Variants in MON1A observed in about 807,000 individuals in gnomAD.
MON1A encodes MON1 vesicular trafficking associated A.
A neutral mutation model predicts 44.6 loss-of-function variants in MON1A; 29 were observed. The ratio of observed to expected loss-of-function variants is 0.65; its 90% CI spans 0.48 to 0.89. MON1A has a LOEUF of 0.89. Among genes scored for constraint, MON1A ranks in the 40% least tolerant of loss-of-function variants. MON1A has a pLI of 0.00. For missense variants in MON1A, 615 were observed against 759.6 expected (o/e 0.81, Z 2.24); for synonymous variants, 275 against 316.4 (o/e 0.87, Z 1.39).
Position 49,910,502 on chromosome 3 carries a change from G to C in MON1A, c.996C>G (p.Leu332=), listed in dbSNP as rs2082863510. 6.2e-7 allele frequency: 1 copy of C among 1,614,002 alleles called. No homozygotes were observed. Among genetic ancestry groups the C allele is most frequent in the Non-Finnish European group, 8.5e-7 (1 of 1,179,932 alleles). Residue 332 remains leucine, a synonymous_variant, in exon 4 of 6, where the codon CTC becomes CTG. Coordinates refer to ENST00000296473, the MANE Select transcript of MON1A (RefSeq NM_032355.4). The surrounding 1 kb of genome is among the most constrained non-coding windows in gnomAD (Gnocchi z 8.0). The part of the protein sequence containing the change: ...ILLARNQLVA[L]VRRKDQFLHP... ...GCAGAAATTGGTCCTTTCGGCGCAC[G>C]AGTGCCACGAGCTGGTTGCGGGCCA...
intron 1 of MON1A, among the ~76,000 whole-genome samples, chr3:49,914,531 G>A (rs1230115134): frequency 5.4e-5 from 8 of 147,998 alleles, no homozygotes; most frequent in Non-Finnish European, 8.9e-5. Flanking sequence ...ATGCCACTGC[G>A]CCTGCCTAAT....
chr3:49,908,904 C>T lies in MON1A; in HGVS notation c.*110G>A. On this transcript the variant is annotated 3_prime_UTR_variant, in exon 6 of 6. Coordinates refer to ENST00000296473, the MANE Select transcript of MON1A (RefSeq NM_032355.4). ...AAAGCACTTTAATGCATTCACCAAC[C>T]CACAGTCCCTGCCCGCTGGCTGGGC... The T allele has an allele frequency of 1.5e-6, 2 of 1,340,862 alleles. No homozygotes were observed. Among genetic ancestry groups the T allele is most frequent in the East Asian group, 2.4e-5 (1 of 41,834 alleles). 83.1% of individuals were successfully genotyped at this position (1,340,862 alleles called of 1,614,324 possible). A position where few individuals can be genotyped will look rare whatever the true frequency, so the allele number is the denominator to read the frequency against.
At chr3:49,919,607 G>A (rs1040295487) in intron 1 of MON1A, among the ~76,000 whole-genome samples, 2 of 152,124 alleles carry the variant, frequency 1.3e-5, no homozygotes, top group African/African-American at 4.8e-5. Context: ...AGCCTCCCGA[G>A]CAGCTGGGAT....
chr3:49,923,267 G>A (rs770294231), intron 1 of MON1A, among the ~76,000 whole-genome samples: 116 of 146,592 alleles, frequency 7.9e-4, no homozygotes, highest in Non-Finnish European at 1.4e-3. Flanking sequence ...CCTTGAACCC[G>A]GGAGGTGGAG....
chr3:49,927,902 A>G (rs1264650992), intron 1 of MON1A, among the ~76,000 whole-genome samples: 1 of 150,514 alleles, frequency 6.6e-6, no homozygotes, highest in East Asian at 1.9e-4. Flanking sequence ...CTCTGTCTCA[A>G]AAAAAAAAAC....
intron 1 of MON1A, among the ~76,000 whole-genome samples, chr3:49,917,328 C>G (rs938362208): frequency 1.8e-4 from 28 of 152,006 alleles, no homozygotes; most frequent in African/African-American, 6.8e-4. Context: ...CTCTGTCGCC[C>G]AGGCTGGAGT....
rs772635097 is a variant in MON1A, at chr3:49,911,159, G to C, written c.614-275C>G. On this transcript the variant is annotated intron_variant, in intron 3 of 5. Transcript: ENST00000296473. This position sits in a 1 kb window ranked among gnomAD's most constrained non-coding sequence, Gnocchi z 5.7. ...ACTGGCAACTGGCAAGGGCTGGCTG[G>C]GTGGAGCTCAGGACCTGGGAGATAG... Among the ~76,000 whole-genome samples the C allele has an allele frequency of 8.0e-5, 10 of 125,156 alleles. No homozygotes were observed. Among genetic ancestry groups the C allele is most frequent in the Non-Finnish European group, 1.8e-4 (10 of 56,624 alleles). 82.1% of individuals were successfully genotyped at this position (125,156 alleles called of 152,430 possible).
intron 2 of MON1A, 114 bp downstream of exon 2, chr3:49,913,106 T>C: frequency 7.1e-7 from 1 of 1,411,322 alleles, no homozygotes; most frequent in Non-Finnish European, 1.0e-6. Context: ...AAATATCCAA[T>C]GAGTGACTGA....
intron 1 of MON1A, among the ~76,000 whole-genome samples, chr3:49,927,966 G>A (rs758340616): frequency 1.1e-4 from 16 of 151,350 alleles, no homozygotes; most frequent in Admixed American, 2.6e-4. Context: ...GCTCTGTGAC[G>A]TTGCACTTTT....
chr3:49,914,121 G>A (rs1250477759), intron 1 of MON1A, among the ~76,000 whole-genome samples: 15 of 138,988 alleles, frequency 1.1e-4, no homozygotes, highest in African/African-American at 2.7e-4. Context: ...ACGGAGTTTC[G>A]CTGTTGTTAC....
Position 49,909,442 on chromosome 3 carries a change from T to G in MON1A, c.1380-42A>C. ...GGGAGTGGGTTTGCAAAGGAATGAC[T>G]TCCACTGTCTTCTCTAGAGATTTAG... On this transcript the variant is annotated intron_variant, in intron 4 of 5. Transcript: ENST00000296473. The surrounding 1 kb of genome is among the most constrained non-coding windows in gnomAD (Gnocchi z 4.0). The G allele has an allele frequency of 6.2e-7, 1 of 1,610,098 alleles. No homozygotes were observed. The highest frequency in any genetic ancestry group is 8.5e-7 in the Non-Finnish European group (1 of 1,178,046).
rs758687996 is a variant in MON1A at position 49,909,420 on chromosome 3, A to G, written c.1380-20T>C. On this transcript the variant is annotated intron_variant, in intron 4 of 5. Transcript: ENST00000296473. The surrounding 1 kb of genome is among the most constrained non-coding windows in gnomAD (Gnocchi z 4.0). ...TCAGGGCTGCAGACAGGGTGGAGGG[A>G]GTGGGTTTGCAAAGGAATGACTTCC... 2 of 1,613,106 alleles carry G rather than the reference A, an allele frequency of 1.2e-6. No individual in the cohort carries two copies. The highest frequency in any genetic ancestry group is 1.7e-6 in the Non-Finnish European group (2 of 1,179,648).
rs1298642336 is a variant in MON1A, at chr3:49,912,095, G to T, written c.128-84C>A. The T allele has an allele frequency of 2.7e-6, 4 of 1,461,638 alleles. No individual in the cohort carries two copies. In the African/African-American group the frequency reaches 5.7e-5, roughly 21 times the overall value. 90.5% of individuals were successfully genotyped at this position (1,461,638 alleles called of 1,614,324 possible). A position where few individuals can be genotyped will look rare whatever the true frequency, so the allele number is the denominator to read the frequency against. ...CAAGGTGCCTAACGTGGTCACTCCA[G>T]CATGACTGCCTGTCTTGTTAGGATC... On this transcript the variant is annotated intron_variant, in intron 2 of 5. Coordinates refer to ENST00000296473, the MANE Select transcript of MON1A (RefSeq NM_032355.4).
chr3:49,912,263 A>G (rs1202090477), intron 2 of MON1A: 1 of 441,590 alleles, frequency 2.3e-6, no homozygotes, highest in Non-Finnish European at 4.0e-6. Context: ...CCTACCTCTC[A>G]TTCCCATCTC....
chr3:49,909,745 G>A lies in MON1A; in HGVS notation c.1380-345C>T. 1 of 355,448 alleles carries A rather than the reference G, an allele frequency of 2.8e-6. No individual in the cohort carries two copies. Among genetic ancestry groups the A allele is most frequent in the Non-Finnish European group, 5.1e-6 (1 of 195,626 alleles). 22.0% of individuals were successfully genotyped at this position (355,448 alleles called of 1,614,324 possible). ...ATCCTGTGGGCCAAAAGGGACAAAG[G>A]GAGGCCATATCTTCCCAGCCCCTCT... On this transcript the variant is annotated intron_variant, in intron 4 of 5. Coordinates refer to ENST00000296473, the MANE Select transcript of MON1A (RefSeq NM_032355.4). This position sits in a 1 kb window ranked among gnomAD's most constrained non-coding sequence, Gnocchi z 4.0.
chr3:49,911,430 G>C lies in MON1A; in HGVS notation c.613+96C>G. 4 of 1,489,420 alleles carry C rather than the reference G, an allele frequency of 2.7e-6. No homozygotes were observed. Among genetic ancestry groups the C allele is most frequent in the Non-Finnish European group, 3.6e-6 (4 of 1,117,316 alleles). 92.3% of individuals were successfully genotyped at this position (1,489,420 alleles called of 1,614,324 possible). ...AGAGGGACTTACCCTCAGTCACACA[G>C]CACATCCCAGCCCTCTGGTCTGCAG... On this transcript the variant is annotated intron_variant, in intron 3 of 5. Transcript: ENST00000296473. This position sits in a 1 kb window ranked among gnomAD's most constrained non-coding sequence, Gnocchi z 5.7.
Position 49,910,521 on chromosome 3 carries a change from C to T in MON1A, c.977G>A (p.Arg326His), listed in dbSNP as rs199606970. Residue 326 changes from arginine to histidine, a missense_variant, in exon 4 of 6, where the codon CGC (arginine) becomes CAC (histidine). Transcript: ENST00000296473. This position sits in a 1 kb window ranked among gnomAD's most constrained non-coding sequence, Gnocchi z 8.0. ...GCGCACGAGTGCCACGAGCTGGTTG[C>T]GGGCCAGCAGGATGGAGAAGACCAG... is the stretch of plus-strand genomic sequence containing the variant. ...RSLVFSILLARNQLVALVRRK... is the reference protein window; with the variant it reads ...RSLVFSILLAHNQLVALVRRK... 54 of 1,613,560 alleles carry T rather than the reference C, an allele frequency of 3.3e-5. No individual in the cohort carries two copies. The highest frequency in any genetic ancestry group is 4.2e-5 in the Non-Finnish European group (50 of 1,179,818).
intron 1 of MON1A, among the ~76,000 whole-genome samples, chr3:49,924,958 G>C (rs983466916): frequency 2.0e-5 from 3 of 152,186 alleles, no homozygotes; most frequent in Non-Finnish European, 2.9e-5. Flanking sequence ...AAGAGACCCT[G>C]AGCTTGAGCC....
chr3:49,926,154 C>T (rs1263117654), intron 1 of MON1A, among the ~76,000 whole-genome samples: 1 of 152,148 alleles, frequency 6.6e-6, no homozygotes, highest in African/African-American at 2.4e-5. Context: ...ATCCTTTTTC[C>T]CCACTAACTG....
Sources: allele counts gnomAD v4.1 joint callset (sites outside exome capture counted in the v4.1 genomes callset), GRCh38; gene constraint gnomAD v4.1.1; non-coding constraint Gnocchi (gnomAD v3.1); transcripts MANE v1.5; gene names NCBI Gene and HGNC (gene_info 2026-07-23, HGNC 2026-07-21).